PCDHA12: variants seen among roughly 807,000 people sequenced by gnomAD.
The protein encoded by PCDHA12 is protocadherin alpha 12, also known as protocadherin alpha-12.
PCDHA12 carries 44 observed loss-of-function variants against 60.0 expected under a neutral mutation model. The observed-to-expected ratio is 0.73, with a 90% CI of 0.58 to 0.94. The LOEUF is 0.94. Among genes scored for constraint, PCDHA12 ranks in the 40% least tolerant of loss-of-function variants. The pLI is 0.00. For missense variants in PCDHA12, 1,276 were observed against 1,239.7 expected (o/e 1.03, Z -0.44); for synonymous variants, 569 against 553.0 (o/e 1.03, Z -0.40).
intron 1 of PCDHA12, among the ~76,000 whole-genome samples, chr5:140,899,481 G>T (rs2153464125): frequency 6.6e-6 from 1 of 152,230 alleles, no homozygotes; most frequent in East Asian, 1.9e-4. Flanking sequence ...CTGTTTATAT[G>T]CTGGATTACA....
At chr5:140,976,298 C>A (rs2096709941) in intron 1 of PCDHA12, among the ~76,000 whole-genome samples, 1 of 152,036 alleles carries the variant, frequency 6.6e-6, no homozygotes, top group African/African-American at 2.4e-5. Context: ...AGCCTGTAAT[C>A]CCAGCACTTT....
At chr5:141,005,572 C>G (rs548748234) in intron 3 of PCDHA12, among the ~76,000 whole-genome samples, 59 of 150,976 alleles carry the variant, frequency 3.9e-4, no homozygotes, top group Non-Finnish European at 7.7e-4. Context: ...CATGGTGGCG[C>G]GTGCCTGTAG....
intron 3 of PCDHA12, among the ~76,000 whole-genome samples, chr5:141,000,391 C>CTATATA (rs2097912428): frequency 7.1e-5 from 4 of 56,662 alleles, no homozygotes; most frequent in Non-Finnish European, 1.2e-4. Flanking sequence ...CTCTCTCTCT[C>CTATATA]TCTCTATATA....
chr5:140,989,253 G>A (rs886150768), intron 3 of PCDHA12, among the ~76,000 whole-genome samples: 4 of 152,194 alleles, frequency 2.6e-5, no homozygotes, highest in Non-Finnish European at 1.5e-5. Flanking sequence ...CTTGTCAAAA[G>A]GGAGATTCAA....
In PCDHA12 at chr5:140,875,854, G is replaced by A. The variant is rs1448268904; in HGVS notation, c.382G>A (p.Asp128Asn). The A allele has an allele frequency of 3.7e-6, 6 of 1,614,160 alleles. No individual in the cohort carries two copies. The highest frequency in any genetic ancestry group is 5.1e-6 in the Non-Finnish European group (6 of 1,180,032). ...HVDVEVKDINDNPPVFREREQ... is the reference protein window; with the variant it reads ...HVDVEVKDINNNPPVFREREQ... ...GGACGTGGAGGTGAAGGACATTAAC[G>A]ACAACCCGCCGGTGTTCAGAGAAAG... Residue 128 changes from aspartate (D) to asparagine (N), a missense_variant, in exon 1 of 4, where the codon GAC (aspartate) becomes AAC (asparagine). Coordinates refer to ENST00000398631, the MANE Select transcript of PCDHA12 (RefSeq NM_018903.4).
At chr5:141,000,410 TATATA>T in intron 3 of PCDHA12, among the ~76,000 whole-genome samples, 1 of 101,974 alleles carries the variant, frequency 9.8e-6, no homozygotes, top group African/African-American at 3.9e-5. Context: ...TATATATATA[TATATA>T]TATATATTTT....
At chr5:140,960,488 GT>G (rs1373763536) in intron 1 of PCDHA12, among the ~76,000 whole-genome samples, 4 of 152,150 alleles carry the variant, frequency 2.6e-5, no homozygotes, top group African/African-American at 9.7e-5. Flanking sequence ...AGAGGTGTAG[GT>G]TTGTTTGTTC....
rs371212960 is a variant in PCDHA12 at position 140,891,914 on chromosome 5, C to T, written c.2367+14075C>T. ...GCAGCAAGAAGATCTTCACCAGATG[C>T]TGGTGCCTTGATCTTGGACTTCCCC... On this transcript the variant is annotated intron_variant, in intron 1 of 3. Transcript: ENST00000398631. Among the ~76,000 whole-genome samples the T allele has an allele frequency of 2.6e-3, 395 of 152,328 alleles. 2 individuals carry two copies. The highest frequency in any genetic ancestry group is 9.2e-3 in the African/African-American group (384 of 41,572).
chr5:140,920,630 G>A (rs937787340), intron 1 of PCDHA12, among the ~76,000 whole-genome samples: 1 of 152,060 alleles, frequency 6.6e-6, no homozygotes, highest in Non-Finnish European at 1.5e-5. Flanking sequence ...TGGATCACAA[G>A]GTCAAGAGAT....
Position 141,010,486 on chromosome 5 carries a change from A to C in PCDHA12, c.*549A>C. 1 of 674,072 alleles carries C rather than the reference A, an allele frequency of 1.5e-6. No individual in the cohort carries two copies. Among genetic ancestry groups the C allele is most frequent in the Non-Finnish European group, 2.3e-6 (1 of 434,544 alleles). The allele number at this position is 674,072 out of a possible 1,614,324, so 41.8% of individuals were successfully genotyped here. On this transcript the variant is annotated 3_prime_UTR_variant, in exon 4 of 4. Transcript: ENST00000398631. ...GTATGGAGGGGAAGTGTAAACTTAAAGGGACCAGACTTTCTAAATCTTACA... is the reference window on the plus strand; with the variant it reads ...GTATGGAGGGGAAGTGTAAACTTAACGGGACCAGACTTTCTAAATCTTACA...
At chr5:140,920,107 C>A (rs1480708499) in intron 1 of PCDHA12, among the ~76,000 whole-genome samples, 1 of 152,300 alleles carries the variant, frequency 6.6e-6, no homozygotes, top group Non-Finnish European at 1.5e-5. Flanking sequence ...GGGAGTGCAA[C>A]CTTGCCAACA....
intron 1 of PCDHA12, among the ~76,000 whole-genome samples, chr5:140,950,022 A>T (rs1355491628): frequency 6.6e-6 from 1 of 151,918 alleles, no homozygotes; most frequent in Non-Finnish European, 1.5e-5. Context: ...CCTTCATAAA[A>T]TATAGAAAAG....
intron 1 of PCDHA12, among the ~76,000 whole-genome samples, chr5:140,944,240 T>C (rs374307364): frequency 2.1e-4 from 32 of 152,316 alleles, no homozygotes; most frequent in African/African-American, 7.5e-4. Flanking sequence ...CAGGCTGGAG[T>C]GCAGTGATGT....
intron 1 of PCDHA12, chr5:140,966,927 C>T (rs1434590204): frequency 1.2e-6 from 2 of 1,603,398 alleles, no homozygotes; most frequent in Admixed American, 1.7e-5. Flanking sequence ...GAGCAGGCAC[C>T]CGGCGCGCTC....
chr5:140,967,226 C>T, intron 1 of PCDHA12: 1 of 1,613,746 alleles, frequency 6.2e-7, no homozygotes, highest in Non-Finnish European at 8.5e-7. Flanking sequence ...GCCCAACTAC[C>T]AGCTTCAGGT....
At chr5:140,966,741 G>A in intron 1 of PCDHA12, 1 of 1,421,320 alleles carries the variant, frequency 7.0e-7, no homozygotes, top group Non-Finnish European at 9.1e-7. Context: ...GGCCCTGCCC[G>A]GCTGCCTCCG....
chr5:140,968,121 T>C (rs1554230356), intron 1 of PCDHA12: 2 of 1,614,180 alleles, frequency 1.2e-6, no homozygotes, highest in Non-Finnish European at 1.7e-6. Flanking sequence ...CTCACATCCC[T>C]GCGTACACTG....
In PCDHA12 at chr5:140,967,001, A is replaced by T. The variant is rs1048933252; in HGVS notation, c.2368-11948A>T. The T allele has an allele frequency of 3.1e-6, 5 of 1,605,060 alleles. No homozygotes were observed. The South Asian group carries it at 5.5e-5, about 18-fold the overall frequency. The stretch of plus-strand genomic sequence containing the variant: ...GCGCTTGGGGCCGGGTTGCTTGCGC[A>T]TCAACCATCTGGGTGCGCCCAGTCC... On this transcript the variant is annotated intron_variant, in intron 1 of 3. Transcript: ENST00000398631.
intron 3 of PCDHA12, among the ~76,000 whole-genome samples, chr5:141,000,423 T>TC (rs2097932931): frequency 9.0e-5 from 6 of 66,856 alleles, no homozygotes; most frequent in African/African-American, 3.6e-4. Flanking sequence ...ATATATATAT[T>TC]TTTTTTTTTT....
Sources: gnomAD v4.1 joint callset for allele counts (sites outside exome capture counted in the v4.1 genomes callset) on GRCh38, gnomAD v4.1.1 for gene constraint, MANE v1.5 for transcripts, NCBI Gene and HGNC (gene_info 2026-07-23, HGNC 2026-07-21) for gene names.